WDFY4: variants seen among roughly 807,000 people sequenced by gnomAD.
WDFY4 encodes the protein WD repeat- and FYVE domain-containing protein 4.
In WDFY4, 169 loss-of-function variants were observed where a neutral mutation model predicts 351.9. The observed-to-expected ratio is 0.48, with a 90% CI of 0.42 to 0.55. The LOEUF (loss-of-function observed/expected upper bound fraction) is 0.55. Ranked by LOEUF, WDFY4 falls within the 20% of genes least tolerant of loss-of-function variation. The pLI is 0.00. For synonymous variants in WDFY4, 1,622 were observed against 1,574.6 expected, an observed-to-expected ratio of 1.03 and a Z score of -0.71; for missense variants, 3,803 against 3,935.6, an observed-to-expected ratio of 0.97 and a Z score of 0.90.
intron 1 of WDFY4, among the ~76,000 whole-genome samples, chr10:48,708,101 C>A (rs1301008533): frequency 6.6e-6 from 1 of 152,186 alleles, no homozygotes; most frequent in African/African-American, 2.4e-5. Flanking sequence ...TGGGTATGGG[C>A]AAGCATTATG....
intron 43 of WDFY4, among the ~76,000 whole-genome samples, chr10:48,883,575 A>G (rs2070341133): frequency 6.6e-6 from 1 of 152,224 alleles, no homozygotes; most frequent in Admixed American, 6.5e-5. Flanking sequence ...CGATAGGGGC[A>G]TGGCAGGACT....
In WDFY4 at chr10:48,934,813, G is replaced by A. The variant is rs796781385; in HGVS notation, c.7587-6993G>A. 2.6e-5 allele frequency among the ~76,000 whole-genome samples: 4 copies of A among 152,192 alleles called. No individual in the cohort carries two copies. In the South Asian group the frequency reaches 8.3e-4, roughly 32 times the overall value. On this transcript the variant is annotated intron_variant, in intron 47 of 61. Coordinates refer to ENST00000325239, the MANE Select transcript of WDFY4 (RefSeq NM_001394531.1). ...GTTCAAACACATCTCCGCCTAGCCTGTAGAGCAGCAAAAACACTCACAGAG... is the reference window on the plus strand; with the variant it reads ...GTTCAAACACATCTCCGCCTAGCCTATAGAGCAGCAAAAACACTCACAGAG...
rs139475267 is a variant in WDFY4, at chr10:48,698,987, C to G, written c.-17-10729C>G. 7.2e-3 allele frequency among the ~76,000 whole-genome samples: 1,100 copies of G among 152,292 alleles called. 9 individuals are homozygous for G. Among genetic ancestry groups the G allele is most frequent in the African/African-American group, 0.025 (1,026 of 41,536 alleles). ...CAACTCTGGAGGAGATCAGAGGTCT[C>G]TCATGAAATGCACTATAGACCTAGC... On this transcript the variant is annotated intron_variant, in intron 1 of 61. Coordinates refer to ENST00000325239, the MANE Select transcript of WDFY4 (RefSeq NM_001394531.1).
intron 47 of WDFY4, among the ~76,000 whole-genome samples, chr10:48,935,755 G>A (rs1396711122): frequency 6.6e-6 from 1 of 152,132 alleles, no homozygotes; most frequent in African/African-American, 2.4e-5. Context: ...TTACTTGATT[G>A]TATGTCATTA....
intron 43 of WDFY4, among the ~76,000 whole-genome samples, chr10:48,882,200 T>C (rs2070279724): frequency 6.6e-6 from 1 of 152,082 alleles, no homozygotes; most frequent in African/African-American, 2.4e-5. Context: ...AACCTGGGTC[T>C]TGGGGGAGCC....
chr10:48,904,595 C>G lies in WDFY4; in HGVS notation c.7586+2732C>G, dbSNP rs540306262. 1.7e-4 allele frequency among the ~76,000 whole-genome samples: 26 copies of G among 152,164 alleles called. 1 individual carries two copies. The highest frequency in any genetic ancestry group is 3.1e-4 in the Non-Finnish European group (21 of 68,032). On this transcript the variant is annotated intron_variant, in intron 47 of 61. Transcript: ENST00000325239. Reference sequence around the variant, plus strand: ...GATTTTACTTGGCCTGGCTCCATTTCTCATAGGCGTTCTCATCACAGGGGC... The same window carrying G: ...GATTTTACTTGGCCTGGCTCCATTTGTCATAGGCGTTCTCATCACAGGGGC...
At chr10:48,777,584 T>G (rs2066075463) in intron 17 of WDFY4, 89 bp downstream of exon 17, 8 of 1,306,192 alleles carry the variant, frequency 6.1e-6, no homozygotes, top group Non-Finnish European at 8.6e-6. Context: ...TTACTTGGTG[T>G]TTCAATAAAG....
At chr10:48,792,937 A>G (rs1045839425) in intron 23 of WDFY4, among the ~76,000 whole-genome samples, 2 of 152,148 alleles carry the variant, frequency 1.3e-5, no homozygotes, top group African/African-American at 4.8e-5. Context: ...CCTTGAGAGG[A>G]GGAACTATCT....
intron 25 of WDFY4, chr10:48,804,707 T>G: frequency 2.0e-6 from 2 of 985,162 alleles, no homozygotes; most frequent in Non-Finnish European, 2.4e-6. Flanking sequence ...AAACAGATAT[T>G]TATCCTGGGA....
At chr10:48,978,172 A>G (rs906265113) in intron 59 of WDFY4, 137 bp from the exon 60 acceptor site, 7 of 803,030 alleles carry the variant, frequency 8.7e-6, no homozygotes, top group African/African-American at 3.5e-5. Flanking sequence ...TGATAAGTTA[A>G]CATCAGAAGT....
chr10:48,769,066 G>C (rs1336698707), intron 13 of WDFY4, among the ~76,000 whole-genome samples: 6 of 152,198 alleles, frequency 3.9e-5, no homozygotes, highest in Non-Finnish European at 5.9e-5. Flanking sequence ...CTGTTTACAG[G>C]ACGAATTGCC....
At chr10:48,739,965 G>A (rs149593023) in intron 11 of WDFY4, among the ~76,000 whole-genome samples, 133 of 152,188 alleles carry the variant, frequency 8.7e-4, no homozygotes, top group African/African-American at 3.0e-3. Flanking sequence ...GGGGAAGAGG[G>A]GTTTATAGTG....
intron 42 of WDFY4, among the ~76,000 whole-genome samples, chr10:48,875,405 A>G (rs1407213676): frequency 6.6e-6 from 1 of 152,178 alleles, no homozygotes; most frequent in Non-Finnish European, 1.5e-5. Flanking sequence ...TATCAGGGAG[A>G]TCTTAAAAGT....
chr10:48,904,859 G>A (rs113540662), intron 47 of WDFY4, among the ~76,000 whole-genome samples: 3 of 152,268 alleles, frequency 2.0e-5, no homozygotes, highest in African/African-American at 7.2e-5. Context: ...AGACCAAATT[G>A]AGGGGAGTAT....
At chr10:48,778,521 C>T in intron 17 of WDFY4, 90 bp from the exon 18 acceptor site, 1 of 1,314,988 alleles carries the variant, frequency 7.6e-7, no homozygotes, top group Non-Finnish European at 1.0e-6. Flanking sequence ...AGGTGCTGCA[C>T]CTGGGCTAAA....
chr10:48,731,505 C>T lies in WDFY4; in HGVS notation c.1525C>T (p.Leu509Phe), dbSNP rs1314406426. The T allele has an allele frequency of 5.8e-6, 9 of 1,551,400 alleles. No individual in the cohort carries two copies. The highest frequency in any genetic ancestry group is 4.1e-5 in the African/African-American group (3 of 73,050). The change falls in exon 9 of 62, where the codon CTC (leucine) becomes TTC (phenylalanine). Residue 509 changes from leucine to phenylalanine, a missense_variant. By Grantham distance (22) the Leu-to-Phe change is conservative (BLOSUM62 0). This residue lies in a region of WDFY4 where 261 missense variants were observed against 330.2 expected (regional missense o/e 0.79). Transcript: ENST00000325239. The part of the protein sequence containing the change: ...LFTDIFRDSG[L>F]LGLLLAQLRK... Reference sequence around the variant, plus strand: ...CACCGACATCTTCCGGGACTCAGGGCTCCTGGGCCTGCTACTGGCACAGCT... The same window carrying T: ...CACCGACATCTTCCGGGACTCAGGGTTCCTGGGCCTGCTACTGGCACAGCT...
intron 9 of WDFY4, 68 bp from the exon 10 acceptor site, chr10:48,733,863 G>C (rs2064553687): frequency 7.3e-7 from 1 of 1,362,568 alleles, no homozygotes; most frequent in Admixed American, 2.0e-5. Flanking sequence ...TAGAAAGCTG[G>C]AGTCAGAGAT....
chr10:48,924,844 T>G (rs1410291764), intron 47 of WDFY4, among the ~76,000 whole-genome samples: 1 of 152,258 alleles, frequency 6.6e-6, no homozygotes, highest in African/African-American at 2.4e-5. Flanking sequence ...TGTCTGGTGC[T>G]TCACACTCAT....
At chr10:48,947,025 C>CACA in intron 51 of WDFY4, 56 bp downstream of exon 51, 9 of 1,303,178 alleles carry the variant, frequency 6.9e-6, no homozygotes, top group African/African-American at 1.5e-5. Flanking sequence ...CACACATACG[C>CACA]CTGTATCACA....
Sources: allele counts gnomAD v4.1 joint callset (sites outside exome capture counted in the v4.1 genomes callset), GRCh38; gene constraint gnomAD v4.1.1; regional missense constraint gnomAD v4.1.1; transcripts MANE v1.5; gene names NCBI Gene and HGNC (gene_info 2026-07-23, HGNC 2026-07-21).